The following DIP2C variants were observed in gnomAD, a reference collection of about 807,000 sequenced individuals.
DIP2C encodes disco-interacting protein 2 homolog C.
In DIP2C, 33 loss-of-function variants were observed where a neutral mutation model predicts 192.4. The ratio of observed to expected loss-of-function variants is 0.17; its 90% CI spans 0.13 to 0.23. The LOEUF is 0.23. Ranked by LOEUF, DIP2C falls within the 10% of genes least tolerant of loss-of-function variation. The probability of loss-of-function intolerance (pLI) is 1.00; values close to 1 mark genes in which losing one functional copy is unlikely to be tolerated. For synonymous variants in DIP2C, 979 were observed against 864.1 expected, an observed-to-expected ratio of 1.13 and a Z score of -2.33; for missense variants, 1,537 against 2,110.1, an observed-to-expected ratio of 0.73 and a Z score of 5.32.
chr10:499,334 T>C (rs762250056), intron 1 of DIP2C, among the ~76,000 whole-genome samples: 6 of 152,124 alleles, frequency 3.9e-5, no homozygotes, highest in Admixed American at 6.5e-5. Flanking sequence ...TCCCCCTCTG[T>C]GGACCGCTGG....
chr10:595,928 C>T (rs1310838966), intron 1 of DIP2C, among the ~76,000 whole-genome samples: 1 of 152,084 alleles, frequency 6.6e-6, no homozygotes, highest in South Asian at 2.1e-4. Context: ...GATTAGAAAG[C>T]GGAGGAAAAA....
chr10:555,939 G>A (rs886561696), intron 1 of DIP2C, among the ~76,000 whole-genome samples: 6 of 152,148 alleles, frequency 3.9e-5, no homozygotes, highest in Non-Finnish European at 4.4e-5. Flanking sequence ...AGCAGCAGCC[G>A]CTGAGTAGGG....
chr10:529,886 C>T (rs548247237), intron 1 of DIP2C, among the ~76,000 whole-genome samples: 14 of 152,352 alleles, frequency 9.2e-5, no homozygotes, highest in African/African-American at 3.4e-4. Flanking sequence ...TCAAGCAATC[C>T]TCCTGCCTCA....
At chr10:567,353 A>G (rs1849518912) in intron 1 of DIP2C, among the ~76,000 whole-genome samples, 1 of 152,052 alleles carries the variant, frequency 6.6e-6, no homozygotes, top group Non-Finnish European at 1.5e-5. Flanking sequence ...CACCACACCC[A>G]GCTAATTTTT....
intron 1 of DIP2C, among the ~76,000 whole-genome samples, chr10:556,704 G>T (rs1053888348): frequency 6.6e-6 from 1 of 152,118 alleles, no homozygotes; most frequent in African/African-American, 2.4e-5. Context: ...TATTCTGCTG[G>T]AATCAACAGC....
chr10:641,157 A>G (rs1204522099), intron 1 of DIP2C, among the ~76,000 whole-genome samples: 2 of 149,136 alleles, frequency 1.3e-5, no homozygotes, highest in East Asian at 3.9e-4. Context: ...AAAAAATCCT[A>G]CCCTCACCTT....
chr10:288,042 A>G (rs1955244774), intron 33 of DIP2C, among the ~76,000 whole-genome samples: 3 of 152,062 alleles, frequency 2.0e-5, no homozygotes, highest in Non-Finnish European at 4.4e-5. Context: ...TGTGGAAATG[A>G]TGGCTGGAGC....
At chr10:553,964 G>T (rs578207140) in intron 1 of DIP2C, among the ~76,000 whole-genome samples, 1 of 147,826 alleles carries the variant, frequency 6.8e-6, no homozygotes, top group African/African-American at 2.5e-5. Context: ...TAGAAAAAAC[G>T]TATACGCTTG....
intron 1 of DIP2C, among the ~76,000 whole-genome samples, chr10:574,703 T>C (rs966625601): frequency 3.9e-5 from 6 of 152,220 alleles, no homozygotes; most frequent in Non-Finnish European, 7.3e-5. Flanking sequence ...CACAGAGGTG[T>C]TTATCCAGGC....
chr10:369,528 G>A lies in DIP2C; in HGVS notation c.2097C>T (p.Leu699=), dbSNP rs377044729. The A allele has an allele frequency of 5.7e-6, 9 of 1,574,974 alleles. No homozygotes were observed. The highest frequency in any genetic ancestry group is 1.7e-4 in the Middle Eastern group (1 of 5,860). The part of the protein sequence containing the change: ...RVDSEEKLSV[L]TVQDVGLVMP... ...TCACGAGGCCGACATCCTGCACGGTGAGCACGGACAGCTTCTCTTCCGAGT... is the reference window on the plus strand; with the variant it reads ...TCACGAGGCCGACATCCTGCACGGTAAGCACGGACAGCTTCTCTTCCGAGT... Residue 699 remains leucine, a synonymous_variant, in exon 18 of 37, where the codon CTC becomes CTT. Transcript: ENST00000280886.
chr10:367,054 TA>T (rs372326436), intron 18 of DIP2C, among the ~76,000 whole-genome samples: 9 of 152,294 alleles, frequency 5.9e-5, no homozygotes, highest in African/African-American at 2.2e-4. Flanking sequence ...AGAAAGAGCC[TA>T]AAACAGCCGG....
At chr10:383,829 G>A (rs1418307526) in intron 16 of DIP2C, among the ~76,000 whole-genome samples, 198 bp downstream of exon 16, 4 of 151,986 alleles carry the variant, frequency 2.6e-5, no homozygotes, top group Admixed American at 1.3e-4. Flanking sequence ...CTCTTGGCCC[G>A]AGTGAGTGAT....
chr10:354,176 C>T (rs1958963245), intron 24 of DIP2C, among the ~76,000 whole-genome samples: 2 of 152,262 alleles, frequency 1.3e-5, no homozygotes, highest in Admixed American at 1.3e-4. Flanking sequence ...TCAGGCCATG[C>T]CTTCCACACA....
At chr10:482,541 G>A (rs183957658) in intron 2 of DIP2C, among the ~76,000 whole-genome samples, 49 of 152,290 alleles carry the variant, frequency 3.2e-4, no homozygotes, top group African/African-American at 1.1e-3. Flanking sequence ...CAAGCTGTCC[G>A]GCTATTGAAG....
intron 31 of DIP2C, among the ~76,000 whole-genome samples, chr10:318,170 C>T (rs533716745): frequency 6.6e-6 from 1 of 152,298 alleles, no homozygotes; most frequent in Non-Finnish European, 1.5e-5. Context: ...GCAGCCACCG[C>T]TGCCACACTT....
At chr10:317,857 G>C (rs183792553) in intron 31 of DIP2C, among the ~76,000 whole-genome samples, 1 of 152,214 alleles carries the variant, frequency 6.6e-6, no homozygotes, top group East Asian at 1.9e-4. Context: ...GGTAGAATTC[G>C]AATGTTCCTC....
intron 16 of DIP2C, among the ~76,000 whole-genome samples, chr10:383,444 GTTC>G (rs1414172436): frequency 6.6e-6 from 1 of 152,152 alleles, no homozygotes; most frequent in Non-Finnish European, 1.5e-5. Context: ...TGCTAGCTAG[GTTC>G]TTGTTTCAGT....
chr10:419,029 T>C (rs755399369), intron 6 of DIP2C, 36 bp downstream of exon 6: 1 of 1,613,958 alleles, frequency 6.2e-7, no homozygotes, highest in South Asian at 1.1e-5. Flanking sequence ...ACAAACCGTT[T>C]ACCAGAAAAA....
chr10:309,866 A>G (rs1454167205), intron 32 of DIP2C, among the ~76,000 whole-genome samples, 165 bp downstream of exon 32: 1 of 152,148 alleles, frequency 6.6e-6, no homozygotes, highest in South Asian at 2.1e-4. Flanking sequence ...TTTCAATTGC[A>G]AAGTTCAAGC....
Sources: allele counts gnomAD v4.1 joint callset (sites outside exome capture counted in the v4.1 genomes callset), GRCh38; gene constraint gnomAD v4.1.1; transcripts MANE v1.5; gene names NCBI Gene and HGNC (gene_info 2026-07-23, HGNC 2026-07-21).